Variants in SEH1L observed in about 807,000 individuals in gnomAD.
SEH1L encodes nucleoporin SEH1.
In SEH1L, 18 loss-of-function variants were observed where a neutral mutation model predicts 49.5. The ratio of observed to expected loss-of-function variants is 0.36; its 90% CI spans 0.25 to 0.54. The LOEUF (loss-of-function observed/expected upper bound fraction) is 0.54. Among genes scored for constraint, SEH1L ranks in the 20% least tolerant of loss-of-function variants. SEH1L has a pLI of 0.87. For synonymous variants in SEH1L, 169 were observed against 178.1 expected (o/e 0.95, Z 0.41); for missense variants, 404 against 528.8 (o/e 0.76, Z 2.31).
In SEH1L at chr18:12,958,064, C is replaced by CTTTTTTTTTTT. The variant is rs57733399; in HGVS notation, c.309+2482_309+2492dup. Among the ~76,000 whole-genome samples the CTTTTTTTTTTT allele has an allele frequency of 6.0e-4, 37 of 62,050 alleles. 5 individuals carry two copies. Among genetic ancestry groups the CTTTTTTTTTTT allele is most frequent in the East Asian group, 1.6e-3 (3 of 1,826 alleles). The allele number at this position is 62,050 out of a possible 152,430, so 40.7% of individuals were successfully genotyped here. A position where few individuals can be genotyped will look rare whatever the true frequency, so the allele number is the denominator to read the frequency against. ...TATAACATAATATTCCTCATTTTAACTTTTTTTTTTTTTTTTTTTTTTTTT... is the reference window on the plus strand; with the variant it reads ...TATAACATAATATTCCTCATTTTAACTTTTTTTTTTTTTTTTTTTTTTTTTTTTTTTTTTTT... On this transcript the variant is annotated intron_variant, in intron 3 of 8. Coordinates refer to ENST00000399892, the MANE Select transcript of SEH1L (RefSeq NM_001013437.2).
chr18:12,977,151 G>A (rs1341165155), intron 5 of SEH1L: 1 of 152,306 alleles, frequency 6.6e-6, no homozygotes, highest in African/African-American at 2.4e-5. Context: ...CTTGAGGTGT[G>A]TACCAGCTTG....
intron 5 of SEH1L, chr18:12,975,643 A>T: frequency 1.1e-6 from 1 of 942,534 alleles, no homozygotes; most frequent in Non-Finnish European, 1.3e-6. Context: ...GATTTTGGAG[A>T]GTGGTGCTTG....
At chr18:12,985,371 C>G in intron 8 of SEH1L, 1 of 1,496,528 alleles carries the variant, frequency 6.7e-7, no homozygotes, top group Admixed American at 2.5e-5. Context: ...GATACACCAG[C>G]AGCCTGCTTA....
intron 1 of SEH1L, among the ~76,000 whole-genome samples, chr18:12,949,011 G>C (rs1272733158): frequency 6.6e-6 from 1 of 151,500 alleles, no homozygotes; most frequent in Non-Finnish European, 1.5e-5. Flanking sequence ...CACCACCCCC[G>C]GCTAATCTTT....
intron 5 of SEH1L, 34 bp from the exon 6 acceptor site, chr18:12,978,718 T>C (rs1438602020): frequency 6.4e-7 from 1 of 1,572,902 alleles, no homozygotes; most frequent in Non-Finnish European, 8.7e-7. Flanking sequence ...ACATTTTATT[T>C]CTAAAATGTT....
chr18:12,959,299 T>A (rs1370340467), intron 3 of SEH1L, among the ~76,000 whole-genome samples: 1 of 152,184 alleles, frequency 6.6e-6, no homozygotes, highest in Non-Finnish European at 1.5e-5. Context: ...CAGAAATGTT[T>A]TGGATTTTGG....
At chr18:12,948,594 G>A (rs1409896029) in intron 1 of SEH1L, 2 of 186,250 alleles carry the variant, frequency 1.1e-5, no homozygotes, top group Non-Finnish European at 2.2e-5. Flanking sequence ...CCGACGACCT[G>A]CAGTGGGACC....
intron 2 of SEH1L, among the ~76,000 whole-genome samples, chr18:12,953,325 G>A (rs1016884261): frequency 6.6e-5 from 10 of 152,176 alleles, no homozygotes; most frequent in African/African-American, 2.4e-4. Flanking sequence ...AACGTGCCAT[G>A]TAAGTCTGTG....
intron 2 of SEH1L, among the ~76,000 whole-genome samples, chr18:12,952,856 G>A (rs1415973943): frequency 1.4e-5 from 2 of 146,120 alleles, no homozygotes; most frequent in East Asian, 2.0e-4. Flanking sequence ...ATGTTGGCTC[G>A]TTGCAACCTC....
intron 2 of SEH1L, 26 bp downstream of exon 2, chr18:12,951,931 A>G: frequency 8.0e-7 from 1 of 1,248,594 alleles, no homozygotes; most frequent in Non-Finnish European, 1.1e-6. Context: ...TACATTTATT[A>G]AAAATACAGA....
intron 6 of SEH1L, 113 bp from the exon 7 acceptor site, chr18:12,982,405 G>A (rs1000153155): frequency 4.2e-5 from 30 of 718,874 alleles, no homozygotes; most frequent in Middle Eastern, 3.9e-4. Context: ...ATGTGGTGGC[G>A]AGACCACTTG....
intron 1 of SEH1L, among the ~76,000 whole-genome samples, chr18:12,951,396 A>G (rs143101349): frequency 3.0e-4 from 45 of 152,114 alleles, no homozygotes; most frequent in Admixed American, 1.1e-3. Context: ...AAGGTTCTCA[A>G]TGTAAATTTT....
chr18:12,979,895 C>T (rs1278795778), intron 6 of SEH1L, among the ~76,000 whole-genome samples: 1 of 138,154 alleles, frequency 7.2e-6, no homozygotes, highest in African/African-American at 2.8e-5. Context: ...ACCTCCTTCG[C>T]GGACGGGGCG....
chr18:12,979,833 A>G (rs1159019269), intron 6 of SEH1L, among the ~76,000 whole-genome samples: 33 of 101,104 alleles, frequency 3.3e-4, no homozygotes, highest in South Asian at 7.4e-4. Context: ...GGGCAGAGGC[A>G]CCCCTCACCT....
In SEH1L at chr18:12,969,538, A is replaced by G. The variant is rs373647238; in HGVS notation, c.522-1615A>G. On this transcript the variant is annotated intron_variant, in intron 4 of 8. Coordinates refer to ENST00000399892, the MANE Select transcript of SEH1L (RefSeq NM_001013437.2). ...CCTCATCTTTACTAAAGATACAAAA[A>G]TTAGCTGGGCGTGGTGGCGCGTGCC... Among the ~76,000 whole-genome samples, 6 of 151,114 alleles carry G rather than the reference A, an allele frequency of 4.0e-5. No homozygotes were observed. The East Asian group carries it at 1.2e-3, about 30-fold the overall frequency.
chr18:12,987,218 T>C lies in SEH1L; in HGVS notation c.*161T>C. 1 of 478,660 alleles carries C rather than the reference T, an allele frequency of 2.1e-6. No individual in the cohort carries two copies. The highest frequency in any genetic ancestry group is 3.8e-5 in the Admixed American group (1 of 26,054). 29.7% of individuals were successfully genotyped at this position (478,660 alleles called of 1,614,324 possible). A position where few individuals can be genotyped will look rare whatever the true frequency, so the allele number is the denominator to read the frequency against. Reference sequence around the variant, plus strand: ...ACAGTGTTTGGAACCTAAATCTGTTTGTGCGTCTGCATCAAAGGAACATTT... The same window carrying C: ...ACAGTGTTTGGAACCTAAATCTGTTCGTGCGTCTGCATCAAAGGAACATTT... On this transcript the variant is annotated 3_prime_UTR_variant, in exon 9 of 9. Transcript: ENST00000399892.
In SEH1L at chr18:12,986,900, C is replaced by T. The variant is rs773439892; in HGVS notation, c.1109C>T (p.Ser370Leu). Reference protein sequence around the residue: ...FTPLDSPRAGSRWSSYAQLLP... With the variant: ...FTPLDSPRAGLRWSSYAQLLP... Reference sequence around the variant, plus strand: ...CCTCTGGATTCCCCACGGGCTGGATCGAGATGGTCCAGTTATGCCCAGCTC... The same window carrying T: ...CCTCTGGATTCCCCACGGGCTGGATTGAGATGGTCCAGTTATGCCCAGCTC... Residue 370 changes from serine (S) to leucine (L), a missense_variant, in exon 9 of 9, where the codon TCG (serine) becomes TTG (leucine). Around this residue, in one of 3 missense-constraint regions of SEH1L, gnomAD observed 342 missense variants for 430.8 expected, o/e 0.79. Transcript: ENST00000399892. The T allele has an allele frequency of 1.4e-5, 23 of 1,609,950 alleles. No individual in the cohort carries two copies. Among genetic ancestry groups the T allele is most frequent in the Non-Finnish European group, 1.9e-5 (22 of 1,177,724 alleles).
chr18:12,985,335 C>A, intron 8 of SEH1L: 1 of 1,558,570 alleles, frequency 6.4e-7, no homozygotes, highest in African/African-American at 1.4e-5. Context: ...TTTTCCCCTT[C>A]CCCAGCGCCG....
chr18:12,953,128 C>G (rs2030648356), intron 2 of SEH1L, among the ~76,000 whole-genome samples: 1 of 152,202 alleles, frequency 6.6e-6, no homozygotes, highest in South Asian at 2.1e-4. Flanking sequence ...TTTTGAAATA[C>G]ATAGTCCTTT....
Sources: gnomAD v4.1 joint callset for allele counts (sites outside exome capture counted in the v4.1 genomes callset) on GRCh38, gnomAD v4.1.1 for gene constraint, gnomAD v4.1.1 regional missense constraint, MANE v1.5 for transcripts, NCBI Gene and HGNC (gene_info 2026-07-23, HGNC 2026-07-21) for gene names.